AVEN: variants seen among roughly 807,000 people sequenced by gnomAD.
The protein encoded by AVEN is cell death regulator Aven.
AVEN carries 41 observed loss-of-function variants against 38.1 expected under a neutral mutation model. That is an observed-to-expected ratio of 1.08 (90% CI 0.84 to 1.40). AVEN has a LOEUF of 1.40. Ranked by LOEUF, AVEN falls within the 40% of genes most tolerant of loss-of-function variation. The probability of loss-of-function intolerance (pLI) is 0.00; values close to 1 mark genes in which losing one functional copy is unlikely to be tolerated. For missense variants in AVEN, 605 were observed against 438.8 expected (o/e 1.38, Z -3.38); for synonymous variants, 206 against 171.8 (o/e 1.20, Z -1.56).
Position 34,003,214 on chromosome 15 carries a change from A to G in AVEN, c.268-5T>C, listed in dbSNP as rs1897207779. ...TGCATCGCTGTCATCTTCAACCTGCAATCATTAGAGACAAATCAATAAGTA... is the reference window on the plus strand; with the variant it reads ...TGCATCGCTGTCATCTTCAACCTGCGATCATTAGAGACAAATCAATAAGTA... On this transcript the variant is annotated splice_polypyrimidine_tract_variant and splice_region_variant and intron_variant, in intron 1 of 5. Coordinates refer to ENST00000306730, the MANE Select transcript of AVEN (RefSeq NM_020371.3). 1.2e-6 allele frequency: 2 copies of G among 1,612,868 alleles called. No individual in the cohort carries two copies. Among genetic ancestry groups the G allele is most frequent in the African/African-American group, 1.3e-5 (1 of 75,014 alleles).
At chr15:33,876,108 G>C (rs1567390545) in intron 2 of AVEN, 113 bp from the exon 3 acceptor site, 6 of 887,632 alleles carry the variant, frequency 6.8e-6, no homozygotes, top group Non-Finnish European at 3.4e-6. Context: ...AACTCAAAGG[G>C]AGAGGCAAGG....
chr15:33,895,839 A>G (rs563574051), intron 2 of AVEN, among the ~76,000 whole-genome samples: 2 of 152,312 alleles, frequency 1.3e-5, no homozygotes, highest in African/African-American at 4.8e-5. Context: ...CTAATTTTAG[A>G]TAAGGTATAA....
At chr15:34,016,475 C>G (rs1346497161) in intron 1 of AVEN, among the ~76,000 whole-genome samples, 2 of 151,998 alleles carry the variant, frequency 1.3e-5, no homozygotes, top group Non-Finnish European at 2.9e-5. Context: ...CCACATGACT[C>G]TTTTTTCTTA....
chr15:34,034,446 T>A (rs78690544), intron 1 of AVEN, among the ~76,000 whole-genome samples: 22,751 of 143,756 alleles, frequency 0.16, 2,150 homozygotes, highest in Middle Eastern at 0.28. Flanking sequence ...GTTTCTTTTT[T>A]AAAAAAAAAA....
chr15:33,955,305 A>C (rs764987415), intron 2 of AVEN, among the ~76,000 whole-genome samples: 1 of 152,220 alleles, frequency 6.6e-6, no homozygotes, highest in Non-Finnish European at 1.5e-5. Context: ...TGTGAGTGAG[A>C]AGGAAAATGT....
At chr15:33,889,222 G>T (rs1041593483) in intron 2 of AVEN, among the ~76,000 whole-genome samples, 2 of 152,048 alleles carry the variant, frequency 1.3e-5, no homozygotes, top group African/African-American at 4.8e-5. Flanking sequence ...TTTGACTGCT[G>T]TACTACAAAG....
intron 2 of AVEN, among the ~76,000 whole-genome samples, chr15:33,941,319 C>G (rs1002788292): frequency 4.6e-5 from 7 of 150,914 alleles, no homozygotes; most frequent in Non-Finnish European, 1.0e-4. Context: ...TGTTTTGCTT[C>G]TGACACTGTA....
intron 2 of AVEN, among the ~76,000 whole-genome samples, chr15:33,899,460 C>CTTTTGTTTTTTTTTTTTTTT (rs1892391611): frequency 1.5e-5 from 1 of 65,430 alleles, no homozygotes; most frequent in Non-Finnish European, 2.9e-5. Context: ...CAGGGAAAAC[C>CTTTTGTTTTTTTTTTTTTTT]TTTTTTTTTT....
chr15:33,890,496 A>C (rs1424677257), intron 2 of AVEN, among the ~76,000 whole-genome samples: 1 of 152,228 alleles, frequency 6.6e-6, no homozygotes, highest in African/African-American at 2.4e-5. Context: ...AAAGGGGATA[A>C]GGAAACAGAG....
At chr15:33,871,774 C>CAAAAGAAAAAAAAAAAAA (rs1890963544) in intron 3 of AVEN, among the ~76,000 whole-genome samples, 1 of 91,588 alleles carries the variant, frequency 1.1e-5, no homozygotes, top group Non-Finnish European at 2.3e-5. Flanking sequence ...CTAGTCTCCT[C>CAAAAGAAAAAAAAAAAAA]AAAAAAAAAA....
At chr15:33,891,131 T>G (rs1181038189) in intron 2 of AVEN, among the ~76,000 whole-genome samples, 3 of 152,102 alleles carry the variant, frequency 2.0e-5, no homozygotes, top group African/African-American at 7.2e-5. Flanking sequence ...AAAGATATAC[T>G]AAAATGTCTG....
chr15:33,873,577 T>C (rs904807225), intron 3 of AVEN, among the ~76,000 whole-genome samples: 5 of 148,276 alleles, frequency 3.4e-5, no homozygotes, highest in African/African-American at 1.2e-4. Flanking sequence ...ATATATTACA[T>C]ATAATTATAT....
chr15:34,030,408 C>T (rs1343834837), intron 1 of AVEN, among the ~76,000 whole-genome samples: 1 of 151,512 alleles, frequency 6.6e-6, no homozygotes, highest in African/African-American at 2.4e-5. Flanking sequence ...TGCAGTGGCG[C>T]AATCTCGCTT....
intron 2 of AVEN, among the ~76,000 whole-genome samples, chr15:33,932,765 C>T (rs148974568): frequency 4.0e-4 from 61 of 152,092 alleles, no homozygotes; most frequent in African/African-American, 1.4e-3. Context: ...ATGGAGGTTG[C>T]AGTGAGCCGA....
In AVEN at chr15:33,908,584, T is replaced by C. The variant is rs1886224389; in HGVS notation, c.446-32589A>G. The stretch of plus-strand genomic sequence containing the variant: ...GAATCTGACCATTCTGGGTGACTCA[T>C]ATAAGTAGAATCATACAGTATTTTT... On this transcript the variant is annotated intron_variant, in intron 2 of 5. Coordinates refer to ENST00000306730, the MANE Select transcript of AVEN (RefSeq NM_020371.3). Among the ~76,000 whole-genome samples, 4 of 152,230 alleles carry C rather than the reference T, an allele frequency of 2.6e-5. No homozygotes were observed. The South Asian group carries it at 8.3e-4, about 31-fold the overall frequency.
At chr15:34,067,340 G>A (rs1900538041) in intron 2 of AVEN, 1 of 152,126 alleles carries the variant, frequency 6.6e-6, no homozygotes, top group African/African-American at 2.4e-5. Context: ...CCAAACCTCT[G>A]GATTAGAATC....
chr15:34,073,989 C>CTTTTTTTTTTTTTTT (rs5811818), intron 1 of AVEN, among the ~76,000 whole-genome samples: 25 of 31,506 alleles, frequency 7.9e-4, no homozygotes, highest in African/African-American at 1.6e-3. Context: ...TCTTCTTCTT[C>CTTTTTTTTTTTTTTT]TTTTTTTTTT....
chr15:33,882,507 C>T (rs540489939), intron 2 of AVEN, among the ~76,000 whole-genome samples: 47 of 148,968 alleles, frequency 3.2e-4, no homozygotes, highest in African/African-American at 1.1e-3. Context: ...TTTCTAGAGC[C>T]AAAATTAATA....
intron 2 of AVEN, among the ~76,000 whole-genome samples, chr15:33,902,573 A>C (rs985910667): frequency 6.6e-6 from 1 of 152,254 alleles, no homozygotes; most frequent in Non-Finnish European, 1.5e-5. Context: ...AAATACTAGC[A>C]AAGGCAATCA....
Sources: allele counts gnomAD v4.1 joint callset (sites outside exome capture counted in the v4.1 genomes callset), GRCh38; gene constraint gnomAD v4.1.1; transcripts MANE v1.5; gene names NCBI Gene and HGNC (gene_info 2026-07-23, HGNC 2026-07-21).